The following ZFYVE9 variants were observed in gnomAD, a reference collection of about 807,000 sequenced individuals.
ZFYVE9 encodes zinc finger FYVE domain-containing protein 9.
A neutral mutation model predicts 126.7 loss-of-function variants in ZFYVE9; 43 were observed. The ratio of observed to expected loss-of-function variants is 0.34; its 90% CI spans 0.27 to 0.44. The LOEUF is 0.44. Ranked by LOEUF, ZFYVE9 falls within the 20% of genes least tolerant of loss-of-function variation. The pLI is 1.00. For missense variants in ZFYVE9, 1,476 were observed against 1,697.0 expected (o/e 0.87, Z 2.29); for synonymous variants, 521 against 597.4 (o/e 0.87, Z 1.87).
Position 52,304,252 on chromosome 1 carries a change from A to G in ZFYVE9, c.3438+327A>G, listed in dbSNP as rs116975700. ...TAAAATGTCCCCACTCCTACTATAA[A>G]TATTTATTTATTTATTTATTTATTT... is the stretch of plus-strand genomic sequence containing the variant. On this transcript the variant is annotated intron_variant, in intron 13 of 18. Transcript: ENST00000287727. Among the ~76,000 whole-genome samples, 79 of 151,824 alleles carry G rather than the reference A, an allele frequency of 5.2e-4. No homozygotes were observed. In the East Asian group the frequency reaches 0.014, roughly 28 times the overall value.
intron 4 of ZFYVE9, among the ~76,000 whole-genome samples, chr1:52,247,858 G>A (rs530115528): frequency 1.3e-3 from 199 of 152,090 alleles, no homozygotes; most frequent in African/African-American, 4.5e-3. Flanking sequence ...CCTGGTGACT[G>A]CTATTCTACC....
intron 4 of ZFYVE9, among the ~76,000 whole-genome samples, chr1:52,244,148 G>C (rs781071360): frequency 6.6e-6 from 1 of 152,154 alleles, no homozygotes; most frequent in Non-Finnish European, 1.5e-5. Flanking sequence ...GATGGGAATG[G>C]GTTGAAAGTG....
chr1:52,183,904 G>A (rs1437506364), intron 1 of ZFYVE9, among the ~76,000 whole-genome samples: 1 of 149,694 alleles, frequency 6.7e-6, no homozygotes, highest in Admixed American at 6.7e-5. Context: ...ACCCAGGCTG[G>A]AGTGCAGTGG....
At chr1:52,336,387 TAAGA>T (rs1646390031) in intron 15 of ZFYVE9, among the ~76,000 whole-genome samples, 1 of 145,490 alleles carries the variant, frequency 6.9e-6, no homozygotes. Context: ...TTTTTTTTTT[TAAGA>T]TGGAGGCTTG....
intron 2 of ZFYVE9, among the ~76,000 whole-genome samples, chr1:52,225,308 C>G (rs1157106159): frequency 6.6e-6 from 1 of 152,158 alleles, no homozygotes; most frequent in Non-Finnish European, 1.5e-5. Flanking sequence ...ATGCGTCTCC[C>G]CATGAAAGAT....
intron 15 of ZFYVE9, among the ~76,000 whole-genome samples, chr1:52,337,073 T>C (rs1283292661): frequency 1.3e-5 from 2 of 152,186 alleles, no homozygotes; most frequent in Non-Finnish European, 2.9e-5. Flanking sequence ...TGCATTTCAC[T>C]TGTGTGTTTC....
At chr1:52,184,504 C>G (rs980598050) in intron 1 of ZFYVE9, among the ~76,000 whole-genome samples, 1 of 146,714 alleles carries the variant, frequency 6.8e-6, no homozygotes, top group African/African-American at 2.5e-5. Context: ...CCTTTTTCTC[C>G]CAAATTTCTG....
rs572245402 is a variant in ZFYVE9, at chr1:52,264,678, G to A, written c.2278+806G>A. ...TGAACACCAGTGCTACCTGTGCCAG[G>A]ATAGTGTGCCTCCTGGAGGCTGGAA... On this transcript the variant is annotated intron_variant, in intron 5 of 18. Coordinates refer to ENST00000287727, the MANE Select transcript of ZFYVE9 (RefSeq NM_004799.4). Among the ~76,000 whole-genome samples, 3 of 152,306 alleles carry A rather than the reference G, an allele frequency of 2.0e-5. No homozygotes were observed. In the South Asian group the frequency reaches 6.2e-4, roughly 32 times the overall value.
chr1:52,343,340 G>T (rs1351020445), intron 17 of ZFYVE9, among the ~76,000 whole-genome samples: 2 of 152,042 alleles, frequency 1.3e-5, no homozygotes, highest in Non-Finnish European at 2.9e-5. Context: ...TAGCTACTTG[G>T]GAAGCTGAGG....
Position 52,337,875 on chromosome 1 carries a change from G to A in ZFYVE9, c.3774G>A (p.Glu1258=). The A allele has an allele frequency of 1.9e-6, 3 of 1,614,220 alleles. No individual in the cohort carries two copies. The highest frequency in any genetic ancestry group is 2.5e-6 in the Non-Finnish European group (3 of 1,180,040). Residue 1258 remains glutamate, a synonymous_variant, in exon 16 of 19, where the codon GAG becomes GAA. Coordinates refer to ENST00000287727, the MANE Select transcript of ZFYVE9 (RefSeq NM_004799.4). ...FTITCGKADA[E]EPQEHIHIQW... ...TCACCTGTGGGAAGGCGGACGCGGAGGAACCCCAGGAGCACATCCACATCC... is the reference window on the plus strand; with the variant it reads ...TCACCTGTGGGAAGGCGGACGCGGAAGAACCCCAGGAGCACATCCACATCC...
intron 13 of ZFYVE9, among the ~76,000 whole-genome samples, chr1:52,305,605 GCCCCAC>G (rs919369144): frequency 6.6e-6 from 1 of 152,024 alleles, no homozygotes; most frequent in Non-Finnish European, 1.5e-5. Flanking sequence ...ACAAGTGGGA[GCCCCAC>G]CCCTTCCGAG....
intron 7 of ZFYVE9, among the ~76,000 whole-genome samples, chr1:52,270,014 C>T (rs1645673772): frequency 6.6e-6 from 1 of 151,980 alleles, no homozygotes; most frequent in South Asian, 2.1e-4. Flanking sequence ...TACCCATATA[C>T]TCTTCACCTA....
intron 13 of ZFYVE9, among the ~76,000 whole-genome samples, chr1:52,315,556 T>C (rs979997712): frequency 6.6e-6 from 1 of 152,196 alleles, no homozygotes; most frequent in Admixed American, 6.5e-5. Context: ...TGTGATGTGG[T>C]ATAATTTTAC....
At chr1:52,269,870 C>T (rs1645672073) in intron 7 of ZFYVE9, among the ~76,000 whole-genome samples, 1 of 152,026 alleles carries the variant, frequency 6.6e-6, no homozygotes. Flanking sequence ...TCTCTGCAGC[C>T]TTAACGTCCC....
At chr1:52,187,806 A>T (rs1644778483) in intron 1 of ZFYVE9, among the ~76,000 whole-genome samples, 1 of 152,214 alleles carries the variant, frequency 6.6e-6, no homozygotes, top group African/African-American at 2.4e-5. Context: ...TTAATAACAG[A>T]TGCTGACAAG....
At chr1:52,143,107 A>G (rs1026423974) in intron 1 of ZFYVE9, among the ~76,000 whole-genome samples, 1 of 152,204 alleles carries the variant, frequency 6.6e-6, no homozygotes, top group African/African-American at 2.4e-5. Context: ...TCACAGTTAT[A>G]AAAACGTCTT....
At chr1:52,296,019 A>G (rs2147833435) in intron 12 of ZFYVE9, 42 bp downstream of exon 12, 1 of 1,551,422 alleles carries the variant, frequency 6.4e-7, no homozygotes, top group Non-Finnish European at 8.8e-7. Context: ...ACTGGAGTTT[A>G]TATGGGAGAA....
intron 8 of ZFYVE9, 91 bp downstream of exon 8, chr1:52,274,675 C>A (rs568727250): frequency 1.5e-6 from 2 of 1,368,860 alleles, no homozygotes; most frequent in African/African-American, 1.4e-5. Context: ...GAGTGACATT[C>A]ACCTTTCTCT....
intron 3 of ZFYVE9, 94 bp from the exon 4 acceptor site, chr1:52,237,394 A>C: frequency 8.7e-7 from 1 of 1,145,862 alleles, no homozygotes; most frequent in Non-Finnish European, 1.2e-6. Context: ...TGGAATATTT[A>C]ATTTTCAAAC....
Sources: allele counts gnomAD v4.1 joint callset (sites outside exome capture counted in the v4.1 genomes callset), GRCh38; gene constraint gnomAD v4.1.1; transcripts MANE v1.5; gene names NCBI Gene and HGNC (gene_info 2026-07-23, HGNC 2026-07-21).